The following PARVA variants were observed in gnomAD, a reference collection of about 807,000 sequenced individuals.
PARVA encodes parvin alpha, also known as alpha-parvin.
PARVA carries 25 observed loss-of-function variants against 52.6 expected under a neutral mutation model. The observed-to-expected ratio is 0.48, with a 90% CI of 0.35 to 0.66. PARVA has a LOEUF of 0.66. PARVA is among the 30% of genes least tolerant of loss of function. The pLI, the probability that PARVA is intolerant of heterozygous loss-of-function variation, is 0.01. For synonymous variants in PARVA, 185 were observed against 179.1 expected (o/e 1.03, Z -0.26); for missense variants, 373 against 450.9 (o/e 0.83, Z 1.56).
intron 8 of PARVA, 120 bp downstream of exon 8, chr11:12,511,653 T>C (rs1454952481): frequency 9.7e-7 from 1 of 1,027,860 alleles, no homozygotes; most frequent in Admixed American, 2.0e-5. Flanking sequence ...TTCACCAGCC[T>C]GGGTGACATG....
chr11:12,376,715 A>G, upstream of PARVA: 1 of 984,644 alleles, frequency 1.0e-6, no homozygotes, highest in Non-Finnish European at 1.2e-6. Flanking sequence ...ACAAAGAGCC[A>G]GAGTGAGAAC....
In PARVA at chr11:12,531,647, A is replaced by G. The variant is rs899312935; in HGVS notation, c.*3722A>G. Reference sequence around the variant, plus strand: ...TAATTTGAGATCCGCTGCCTTTAATAGAGCTCCACCTCAGGAATCTTACCT... The same window carrying G: ...TAATTTGAGATCCGCTGCCTTTAATGGAGCTCCACCTCAGGAATCTTACCT... On this transcript the variant is annotated 3_prime_UTR_variant, in exon 13 of 13. Transcript: ENST00000334956. Among the ~76,000 whole-genome samples the G allele has an allele frequency of 6.6e-6, 1 of 151,830 alleles. No homozygotes were observed. Among genetic ancestry groups the G allele is most frequent in the Non-Finnish European group, 1.5e-5 (1 of 68,002 alleles).
intron 1 of PARVA, among the ~76,000 whole-genome samples, chr11:12,404,923 A>C (rs138118729): frequency 1.3e-5 from 2 of 152,366 alleles, no homozygotes; most frequent in Non-Finnish European, 2.9e-5. Flanking sequence ...CCCAAGGTCC[A>C]TATGGGAGCA....
chr11:12,466,665 T>A (rs1281273459), intron 1 of PARVA, among the ~76,000 whole-genome samples: 1 of 152,048 alleles, frequency 6.6e-6, no homozygotes, highest in Non-Finnish European at 1.5e-5. Context: ...ATTATCCTTT[T>A]GGTGTTGTAT....
chr11:12,405,963 A>G (rs1939900214), intron 1 of PARVA, among the ~76,000 whole-genome samples: 1 of 152,244 alleles, frequency 6.6e-6, no homozygotes, highest in Non-Finnish European at 1.5e-5. Flanking sequence ...CAAAAGAAAA[A>G]AGAATTGGAA....
intron 1 of PARVA, among the ~76,000 whole-genome samples, chr11:12,456,682 T>G (rs1312918632): frequency 6.6e-6 from 1 of 152,118 alleles, no homozygotes; most frequent in East Asian, 1.9e-4. Flanking sequence ...GTATGTCTTG[T>G]TCCCTCTTCA....
intron 10 of PARVA, among the ~76,000 whole-genome samples, chr11:12,514,704 C>T (rs962088858): frequency 1.3e-5 from 2 of 152,192 alleles, no homozygotes; most frequent in Admixed American, 6.5e-5. Flanking sequence ...TCAGGCTGGT[C>T]TCAAACTCAG....
intron 1 of PARVA, among the ~76,000 whole-genome samples, chr11:12,444,289 AG>A (rs1940513560): frequency 6.6e-6 from 1 of 152,204 alleles, no homozygotes; most frequent in East Asian, 1.9e-4. Context: ...GAGCACCAAA[AG>A]CAAAATTCAA....
intron 6 of PARVA, among the ~76,000 whole-genome samples, chr11:12,507,658 G>T (rs939088529): frequency 6.6e-6 from 1 of 152,132 alleles, no homozygotes; most frequent in Non-Finnish European, 1.5e-5. Flanking sequence ...AGCTAAAAGT[G>T]CTTGCTCCTG....
intron 12 of PARVA, among the ~76,000 whole-genome samples, chr11:12,525,925 G>A (rs1293967672): frequency 6.6e-6 from 1 of 151,882 alleles, no homozygotes; most frequent in Non-Finnish European, 1.5e-5. Context: ...GGGGTGGGGG[G>A]AACCTAAGGA....
chr11:12,392,480 G>T (rs2134955455), intron 1 of PARVA, among the ~76,000 whole-genome samples: 1 of 152,092 alleles, frequency 6.6e-6, no homozygotes, highest in South Asian at 2.1e-4. Context: ...TGTTGGCCAG[G>T]CTCGTCTCGA....
At chr11:12,520,942 A>C (rs1432845080) in intron 12 of PARVA, among the ~76,000 whole-genome samples, 1 of 150,980 alleles carries the variant, frequency 6.6e-6, no homozygotes, top group African/African-American at 2.4e-5. Flanking sequence ...GTCTCAAAGA[A>C]AGGAAAAAAG....
chr11:12,410,213 G>A (rs1363296192), intron 1 of PARVA, among the ~76,000 whole-genome samples: 1 of 152,212 alleles, frequency 6.6e-6, no homozygotes, highest in Non-Finnish European at 1.5e-5. Flanking sequence ...GGGACTGCAG[G>A]GCAGGGATCA....
chr11:12,469,453 C>T (rs1303278451), intron 1 of PARVA, among the ~76,000 whole-genome samples: 1 of 152,186 alleles, frequency 6.6e-6, no homozygotes, highest in Non-Finnish European at 1.5e-5. Context: ...AGTGGATAAA[C>T]ATCAGATTCC....
Position 12,477,601 on chromosome 11 carries a change from A to C in PARVA, c.298-246A>C, listed in dbSNP as rs528484679. 2.0e-5 allele frequency among the ~76,000 whole-genome samples: 3 copies of C among 152,282 alleles called. No homozygotes were observed. The South Asian group carries it at 6.2e-4, about 32-fold the overall frequency. On this transcript the variant is annotated intron_variant, in intron 3 of 12. Coordinates refer to ENST00000334956, the MANE Select transcript of PARVA (RefSeq NM_018222.5). ...CCTGCTTTTAAAATCTGAAGTTCAA[A>C]GCAGGGCACAATGGAACACTCCCAT...
intron 1 of PARVA, among the ~76,000 whole-genome samples, chr11:12,408,329 C>T (rs1205995531): frequency 1.3e-5 from 2 of 152,176 alleles, no homozygotes; most frequent in African/African-American, 4.8e-5. Context: ...TTGTGGTGAG[C>T]ACATCCTCTC....
chr11:12,461,937 C>T (rs544547978), intron 1 of PARVA, among the ~76,000 whole-genome samples: 2 of 152,176 alleles, frequency 1.3e-5, no homozygotes, highest in African/African-American at 2.4e-5. Context: ...GAGACCCCAA[C>T]ATTCTGCTGA....
At chr11:12,460,137 A>G (rs1358263942) in intron 1 of PARVA, among the ~76,000 whole-genome samples, 1 of 152,154 alleles carries the variant, frequency 6.6e-6, no homozygotes, top group Non-Finnish European at 1.5e-5. Context: ...TTTTTTAGAG[A>G]TATGCATTGT....
intron 1 of PARVA, among the ~76,000 whole-genome samples, chr11:12,458,323 A>G (rs1178771736): frequency 1.3e-5 from 2 of 152,214 alleles, no homozygotes; most frequent in Non-Finnish European, 2.9e-5. Context: ...ACTGAGAGTG[A>G]GCTGCCCAGC....
Sources: gnomAD v4.1 joint callset for allele counts (sites outside exome capture counted in the v4.1 genomes callset) on GRCh38, gnomAD v4.1.1 for gene constraint, MANE v1.5 for transcripts, NCBI Gene and HGNC (gene_info 2026-07-23, HGNC 2026-07-21) for gene names.